The following PCBP3 variants were observed in gnomAD, a reference collection of about 807,000 sequenced individuals.
The protein encoded by PCBP3 is poly(rC) binding protein 3.
In PCBP3, 25 loss-of-function variants were observed where a neutral mutation model predicts 52.7. The ratio of observed to expected loss-of-function variants is 0.47; its 90% CI spans 0.35 to 0.66. The LOEUF (loss-of-function observed/expected upper bound fraction) is 0.66, where lower values mean the gene tolerates loss of function less well. PCBP3 is among the 30% of genes least tolerant of loss of function. The pLI is 0.01. For synonymous variants in PCBP3, 162 were observed against 183.0 expected (o/e 0.89, Z 0.93); for missense variants, 391 against 490.3 (o/e 0.80, Z 1.91).
intron 1 of PCBP3, among the ~76,000 whole-genome samples, chr21:45,644,626 G>T (rs1314324385): frequency 6.6e-6 from 1 of 152,110 alleles, no homozygotes; most frequent in Non-Finnish European, 1.5e-5. Context: ...TCGTGGCTCG[G>T]GGTTGGTTAT....
intron 16 of PCBP3, among the ~76,000 whole-genome samples, chr21:45,938,895 A>G (rs402039): frequency 0.2 from 30,452 of 152,220 alleles, 3,809 homozygotes; most frequent in Non-Finnish European, 0.28. Flanking sequence ...GTGTCCCACC[A>G]TGGAGCTGCT....
chr21:45,929,381 C>T lies in PCBP3; in HGVS notation c.718-536C>T, dbSNP rs145768945. ...GTGGCCCCTCAGGTGTTCCCCCCAC[C>T]CCAGGTCACCTCATGGGTAAAGCAA... On this transcript the variant is annotated intron_variant, in intron 13 of 17. Coordinates refer to ENST00000681687, the MANE Select transcript of PCBP3 (RefSeq NM_001384156.1). Among the ~76,000 whole-genome samples the T allele has an allele frequency of 1.7e-3, 260 of 152,326 alleles. 1 individual carries two copies. Among genetic ancestry groups the T allele is most frequent in the African/African-American group, 6.1e-3 (253 of 41,586 alleles).
intron 4 of PCBP3, among the ~76,000 whole-genome samples, chr21:45,784,688 C>T (rs2090965548): frequency 6.6e-6 from 1 of 152,252 alleles, no homozygotes; most frequent in Non-Finnish European, 1.5e-5. Flanking sequence ...GTCTCCAGCT[C>T]CTGACCGCGA....
intron 4 of PCBP3, among the ~76,000 whole-genome samples, chr21:45,823,374 G>A (rs2093204829): frequency 6.6e-6 from 1 of 152,192 alleles, no homozygotes; most frequent in Non-Finnish European, 1.5e-5. Flanking sequence ...TCCAGGAGAA[G>A]TCCTGCTGGG....
chr21:45,783,532 AG>A (rs1404932242), intron 4 of PCBP3, among the ~76,000 whole-genome samples: 3 of 152,196 alleles, frequency 2.0e-5, no homozygotes, highest in African/African-American at 7.2e-5. Flanking sequence ...GGAATGGAGA[AG>A]GGGGGAAGGT....
At position 45,821,004 on chromosome 21, in the gene PCBP3, G is replaced by A. The variant is rs773603205; in HGVS notation, c.-125-28957G>A. On this transcript the variant is annotated intron_variant, in intron 4 of 17. Coordinates refer to ENST00000681687, the MANE Select transcript of PCBP3 (RefSeq NM_001384156.1). The surrounding 1 kb of genome is among the most constrained non-coding windows in gnomAD (Gnocchi z 4.4). ...AGGAGTGCGTTCTGAGAGGAGACCC[G>A]GCCCCTCGTCCTTGTCCATCCATGT... Among the ~76,000 whole-genome samples the A allele has an allele frequency of 3.3e-5, 5 of 152,272 alleles. No homozygotes were observed. Among genetic ancestry groups the A allele is most frequent in the South Asian group, 2.1e-4 (1 of 4,826 alleles).
intron 2 of PCBP3, among the ~76,000 whole-genome samples, chr21:45,677,530 A>G (rs1353612726): frequency 6.6e-6 from 1 of 152,256 alleles, no homozygotes; most frequent in African/African-American, 2.4e-5. Flanking sequence ...AAGAGAATAG[A>G]TGAAGGTAGC....
intron 4 of PCBP3, among the ~76,000 whole-genome samples, chr21:45,767,294 A>G (rs1434683480): frequency 1.3e-5 from 2 of 152,124 alleles, no homozygotes; most frequent in Non-Finnish European, 2.9e-5. Flanking sequence ...ATTTAATATA[A>G]ATGGAACCAC....
intron 2 of PCBP3, among the ~76,000 whole-genome samples, chr21:45,679,238 A>G (rs1284534429): frequency 6.6e-6 from 1 of 151,996 alleles, no homozygotes; most frequent in East Asian, 1.9e-4. Flanking sequence ...GTCCTGCCTC[A>G]GCCTCCTGAG....
intron 4 of PCBP3, among the ~76,000 whole-genome samples, chr21:45,809,229 G>T (rs1362251871): frequency 1.3e-5 from 2 of 152,132 alleles, no homozygotes; most frequent in East Asian, 3.8e-4. Flanking sequence ...GTGACTTTCT[G>T]CCTGTATCAT....
intron 1 of PCBP3, among the ~76,000 whole-genome samples, chr21:45,644,301 G>A (rs548457544): frequency 1.3e-4 from 20 of 151,784 alleles, no homozygotes; most frequent in African/African-American, 4.8e-4. Context: ...GGGGCGGGGC[G>A]CGGGGCCTCC....
At chr21:45,680,444 T>C (rs932664377) in intron 2 of PCBP3, among the ~76,000 whole-genome samples, 11 of 152,360 alleles carry the variant, frequency 7.2e-5, no homozygotes, top group African/African-American at 2.6e-4. Context: ...TTGGTGGATT[T>C]ACACCTAAGT....
chr21:45,718,219 T>G (rs1204913994), intron 2 of PCBP3, among the ~76,000 whole-genome samples: 2 of 151,944 alleles, frequency 1.3e-5, no homozygotes, highest in South Asian at 2.1e-4. Flanking sequence ...TTTTTTTTTT[T>G]GCTAGTCTAG....
At chr21:45,691,353 G>A (rs2147788598) in intron 2 of PCBP3, among the ~76,000 whole-genome samples, 1 of 147,660 alleles carries the variant, frequency 6.8e-6, no homozygotes, top group South Asian at 2.1e-4. Flanking sequence ...GCCTTTTGGG[G>A]TGATGTTCTA....
At chr21:45,845,120 G>A (rs1872541568) in intron 4 of PCBP3, among the ~76,000 whole-genome samples, 1 of 152,170 alleles carries the variant, frequency 6.6e-6, no homozygotes, top group Non-Finnish European at 1.5e-5. Flanking sequence ...AGGGGTCACT[G>A]ACAGTTCTGC....
At chr21:45,835,806 G>T (rs575771777) in intron 4 of PCBP3, among the ~76,000 whole-genome samples, 1 of 152,204 alleles carries the variant, frequency 6.6e-6, no homozygotes, top group East Asian at 1.9e-4. Flanking sequence ...TGGGCCCAGG[G>T]TCTTGAGCTT....
intron 2 of PCBP3, among the ~76,000 whole-genome samples, chr21:45,713,751 G>A (rs944779233): frequency 1.3e-5 from 2 of 152,252 alleles, no homozygotes; most frequent in African/African-American, 4.8e-5. Context: ...TGGTGCTGAT[G>A]AGAATGACGC....
At chr21:45,672,061 T>A (rs888656783) in intron 2 of PCBP3, among the ~76,000 whole-genome samples, 1 of 152,156 alleles carries the variant, frequency 6.6e-6, no homozygotes, top group Non-Finnish European at 1.5e-5. Flanking sequence ...GGCTGTTCCC[T>A]TATGAGTGGA....
rs1226791813 is a variant in PCBP3 at position 45,880,356 on chromosome 21, C to T, written c.11-15852C>T. ...TCTTCTGCCATGGCCCAAACCCAGC[C>T]CTGTGCCGCCTCTGTGGGCCACAGG... On this transcript the variant is annotated intron_variant, in intron 5 of 17. Coordinates refer to ENST00000681687, the MANE Select transcript of PCBP3 (RefSeq NM_001384156.1). The surrounding 1 kb of genome is among the most constrained non-coding windows in gnomAD (Gnocchi z 5.4). Among the ~76,000 whole-genome samples, 1 of 152,266 alleles carries T rather than the reference C, an allele frequency of 6.6e-6. No individual in the cohort carries two copies. The highest frequency in any genetic ancestry group is 1.5e-5 in the Non-Finnish European group (1 of 68,048).
Sources: allele counts gnomAD v4.1 joint callset (sites outside exome capture counted in the v4.1 genomes callset), GRCh38; gene constraint gnomAD v4.1.1; non-coding constraint Gnocchi (gnomAD v3.1); transcripts MANE v1.5; gene names NCBI Gene and HGNC (gene_info 2026-07-23, HGNC 2026-07-21).